DMD: variants seen among roughly 807,000 people sequenced by gnomAD.
DMD encodes dystrophin, also known as mutant dystrophin.
DMD carries 63 observed loss-of-function variants against 330.1 expected under a neutral mutation model. The observed-to-expected ratio is 0.19, with a 90% CI of 0.16 to 0.24. DMD has a LOEUF of 0.24. Ranked by LOEUF, DMD falls within the 10% of genes least tolerant of loss-of-function variation. DMD has a pLI of 1.00. For synonymous variants in DMD, 1,223 were observed against 959.8 expected (o/e 1.27, Z -5.07); for missense variants, 3,344 against 2,684.1 (o/e 1.25, Z -5.43).
chrX:32,519,081 G>C (rs1158869276), intron 17 of DMD, among the ~76,000 whole-genome samples: 1 of 92,055 alleles, frequency 1.1e-5, no homozygotes, highest in Non-Finnish European at 2.1e-5. Flanking sequence ...TGGTGATTTA[G>C]GTATAGAAGA....
At chrX:32,053,630 G>C (rs1366269208) in intron 44 of DMD, among the ~76,000 whole-genome samples, 1 of 110,663 alleles carries the variant, frequency 9.0e-6, no homozygotes, top group Non-Finnish European at 1.9e-5. Context: ...ATATGCCCTT[G>C]ACTTTTGTCA....
chrX:33,139,344 A>ATGTT (rs201085312), intron 1 of DMD, among the ~76,000 whole-genome samples: 1 of 110,419 alleles, frequency 9.1e-6, no homozygotes, highest in East Asian at 2.9e-4. Context: ...GTAATCCCCA[A>ATGTT]TGTTTGTTTG....
intron 44 of DMD, among the ~76,000 whole-genome samples, chrX:32,118,842 C>G (rs1343763888): frequency 1.8e-5 from 2 of 110,818 alleles, no homozygotes; most frequent in Non-Finnish European, 3.8e-5. Flanking sequence ...CACCTCAGAT[C>G]TTCAGGCATT....
intron 50 of DMD, among the ~76,000 whole-genome samples, chrX:31,778,343 A>C (rs980680611): frequency 1.8e-5 from 2 of 111,476 alleles, no homozygotes; most frequent in Non-Finnish European, 3.8e-5. Flanking sequence ...TTGGATTCTA[A>C]AGTCAGAAAC....
At chrX:32,612,308 C>A (rs2057239722) in intron 12 of DMD, among the ~76,000 whole-genome samples, 1 of 111,721 alleles carries the variant, frequency 9.0e-6, no homozygotes, top group South Asian at 3.7e-4. Flanking sequence ...CACCTTCAAA[C>A]TGGCTGAAAT....
chrX:33,217,523 T>G (rs2052079861), intron 1 of DMD, among the ~76,000 whole-genome samples: 1 of 111,807 alleles, frequency 8.9e-6, no homozygotes, highest in Admixed American at 9.5e-5. Context: ...TATTTCATTG[T>G]TTCAGAGTGA....
At chrX:32,008,514 A>T (rs2095680474) in intron 44 of DMD, among the ~76,000 whole-genome samples, 1 of 111,972 alleles carries the variant, frequency 8.9e-6, no homozygotes, top group Non-Finnish European at 1.9e-5. Flanking sequence ...GGATGTAAAC[A>T]ACGTGCTTTG....
intron 30 of DMD, among the ~76,000 whole-genome samples, chrX:32,409,302 A>G (rs1377318931): frequency 9.8e-5 from 11 of 111,821 alleles, no homozygotes; most frequent in African/African-American, 2.9e-4. Context: ...TGGAAAATAG[A>G]TTTGATCTGA....
At chrX:32,677,208 T>C (rs887974951) in intron 9 of DMD, among the ~76,000 whole-genome samples, 1 of 111,300 alleles carries the variant, frequency 9.0e-6, no homozygotes, top group Non-Finnish European at 1.9e-5. Context: ...AATTTATTTT[T>C]TCAAAACCAG....
At chrX:32,808,842 G>A (rs1365828999) in intron 7 of DMD, among the ~76,000 whole-genome samples, 1 of 111,941 alleles carries the variant, frequency 8.9e-6, no homozygotes, top group East Asian at 2.8e-4. Context: ...TAGGCTAGAA[G>A]AAGAGTAGAG....
intron 43 of DMD, among the ~76,000 whole-genome samples, chrX:32,223,898 G>A (rs1012906990): frequency 9.0e-5 from 10 of 111,256 alleles, no homozygotes; most frequent in Admixed American, 2.9e-4. Context: ...AAATCTTAAC[G>A]TTACTATGAT....
chrX:31,289,883 T>G (rs1319400216), intron 62 of DMD, among the ~76,000 whole-genome samples: 1 of 91,567 alleles, frequency 1.1e-5, no homozygotes, highest in Non-Finnish European at 2.1e-5. Flanking sequence ...ATATAGTCAC[T>G]TAGGTTATTA....
At chrX:31,317,384 A>G (rs1206909751) in intron 62 of DMD, among the ~76,000 whole-genome samples, 1 of 111,912 alleles carries the variant, frequency 8.9e-6, no homozygotes, top group Non-Finnish European at 1.9e-5. Flanking sequence ...ACAAAATTAT[A>G]TACTACATGA....
intron 7 of DMD, among the ~76,000 whole-genome samples, chrX:32,773,192 G>T (rs765242848): frequency 1.8e-5 from 2 of 111,874 alleles, no homozygotes; most frequent in Non-Finnish European, 3.8e-5. Context: ...ACTAAAAGTA[G>T]AGCTGACTGA....
At chrX:31,600,969 A>G (rs2077337248) in intron 55 of DMD, among the ~76,000 whole-genome samples, 1 of 110,267 alleles carries the variant, frequency 9.1e-6, no homozygotes, top group African/African-American at 3.3e-5. Context: ...GTGCCTTGTA[A>G]ATAAAGACTC....
intron 44 of DMD, among the ~76,000 whole-genome samples, chrX:32,199,904 C>G (rs2097026387): frequency 9.2e-6 from 1 of 109,005 alleles, no homozygotes; most frequent in Admixed American, 1.0e-4. Context: ...TACTCTCGCC[C>G]CAGCTTCCCA....
intron 7 of DMD, among the ~76,000 whole-genome samples, chrX:32,704,586 A>G (rs1256389623): frequency 8.9e-6 from 1 of 112,533 alleles, no homozygotes; most frequent in African/African-American, 3.2e-5. Context: ...GCAGGTATAA[A>G]TGTGCACTCA....
At chrX:31,966,795 C>A (rs2095355277) in intron 45 of DMD, among the ~76,000 whole-genome samples, 2 of 110,546 alleles carry the variant, frequency 1.8e-5, no homozygotes, top group Admixed American at 9.7e-5. Flanking sequence ...TAACAGATAA[C>A]AAGATTTTGA....
chrX:31,346,170 C>T (rs1001301296), intron 61 of DMD, among the ~76,000 whole-genome samples: 5 of 111,372 alleles, frequency 4.5e-5, no homozygotes, highest in African/African-American at 6.5e-5. Context: ...AATTACAGTG[C>T]GATGCTTAAA....
Sources: allele counts gnomAD v4.1 joint callset (sites outside exome capture counted in the v4.1 genomes callset), GRCh38; gene constraint gnomAD v4.1.1; transcripts MANE v1.5; gene names NCBI Gene and HGNC (gene_info 2026-07-23, HGNC 2026-07-21).